The following ADGRA3 variants were observed in gnomAD, a reference collection of about 807,000 sequenced individuals.
ADGRA3 encodes adhesion G protein-coupled receptor A3.
Under a neutral mutation model 119.8 loss-of-function variants are expected in ADGRA3, and 56 were observed. The observed-to-expected ratio is 0.47, with a 90% CI of 0.38 to 0.58. The LOEUF (loss-of-function observed/expected upper bound fraction) is 0.58, where lower values mean the gene tolerates loss of function less well. Among genes scored for constraint, ADGRA3 ranks in the 20% least tolerant of loss-of-function variants. ADGRA3 has a pLI of 0.00. For missense variants in ADGRA3, 1,516 were observed against 1,649.0 expected, an observed-to-expected ratio of 0.92 and a Z score of 1.40; for synonymous variants, 607 against 623.8, an observed-to-expected ratio of 0.97 and a Z score of 0.40.
In ADGRA3 at chr4:22,454,850, G is replaced by C. The variant is rs746328946; in HGVS notation, c.473+16C>G. 4 of 1,587,490 alleles carry C rather than the reference G, an allele frequency of 2.5e-6. No homozygotes were observed. The highest frequency in any genetic ancestry group is 3.5e-6 in the Non-Finnish European group (4 of 1,155,934). On this transcript the variant is annotated intron_variant, in intron 4 of 18. Coordinates refer to ENST00000334304, the MANE Select transcript of ADGRA3 (RefSeq NM_145290.4). ...TGCTTCCTTATCTTTTAATGGGAAA[G>C]AAAAGATATACTTACAGCCGAACCA...
At chr4:22,444,883 GT>G in intron 6 of ADGRA3, 89 bp downstream of exon 6, 2 of 1,310,174 alleles carry the variant, frequency 1.5e-6, no homozygotes, top group Non-Finnish European at 2.2e-6. Context: ...TTCTGTCCAA[GT>G]ATAAAGAGAA....
intron 7 of ADGRA3, among the ~76,000 whole-genome samples, chr4:22,440,085 T>C (rs910116832): frequency 1.3e-5 from 2 of 152,318 alleles, no homozygotes; most frequent in South Asian, 4.1e-4. Context: ...ACAATGATGC[T>C]CATTTCTTGT....
In ADGRA3 at chr4:22,387,556, T is replaced by C. The variant is rs1713878815; in HGVS notation, c.*149A>G. On this transcript the variant is annotated 3_prime_UTR_variant, in exon 19 of 19. Transcript: ENST00000334304. ...CTAAAAAATAGCAACAATTTGGGGA[T>C]AAAAATAAGTAAAATCCAAAACTTC... 2.9e-6 allele frequency: 2 copies of C among 698,538 alleles called. No homozygotes were observed. The highest frequency in any genetic ancestry group is 1.8e-5 in the African/African-American group (1 of 56,008). The allele number at this position is 698,538 out of a possible 1,614,324, so 43.3% of individuals were successfully genotyped here. A position where few individuals can be genotyped will look rare whatever the true frequency, so the allele number is the denominator to read the frequency against.
rs974799816 is a variant in ADGRA3 at position 22,516,028 on chromosome 4, G to C, written c.-244C>G. 1.3e-5 allele frequency: 2 copies of C among 157,450 alleles called. No homozygotes were observed. Among genetic ancestry groups the C allele is most frequent in the Non-Finnish European group, 2.7e-5 (2 of 73,102 alleles). 9.8% of individuals were successfully genotyped at this position (157,450 alleles called of 1,614,324 possible). A position where few individuals can be genotyped will look rare whatever the true frequency, so the allele number is the denominator to read the frequency against. ...CGCTCTACCGCCCGGCGCGAGCACC[G>C]CCTCCTCCTCCTCCTCTGCCGCCGC... is the stretch of plus-strand genomic sequence containing the variant. On this transcript the variant is annotated 5_prime_UTR_variant, in exon 1 of 19. Transcript: ENST00000334304.
chr4:22,414,838 A>C (rs1207633530), intron 12 of ADGRA3, among the ~76,000 whole-genome samples: 1 of 152,148 alleles, frequency 6.6e-6, no homozygotes, highest in Non-Finnish European at 1.5e-5. Flanking sequence ...ACAGACCAGC[A>C]TCTCTACCTG....
intron 2 of ADGRA3, among the ~76,000 whole-genome samples, chr4:22,472,361 A>G (rs1717885941): frequency 6.6e-6 from 1 of 152,142 alleles, no homozygotes; most frequent in Non-Finnish European, 1.5e-5. Context: ...CCATTCCTGA[A>G]CCAGCAGTGA....
chr4:22,447,321 A>G (rs1427842730), intron 5 of ADGRA3, 119 bp downstream of exon 5: 2 of 642,430 alleles, frequency 3.1e-6, no homozygotes, highest in Admixed American at 6.4e-5. Context: ...CTCTCAAGTG[A>G]GACTCTACCT....
At chr4:22,444,462 T>G (rs886216678) in intron 6 of ADGRA3, among the ~76,000 whole-genome samples, 5 of 152,108 alleles carry the variant, frequency 3.3e-5, no homozygotes, top group Non-Finnish European at 7.4e-5. Context: ...ATTTTTGTAT[T>G]TTTAGTAGAG....
intron 14 of ADGRA3, among the ~76,000 whole-genome samples, chr4:22,406,424 A>T (rs561691139): frequency 2.6e-5 from 4 of 152,272 alleles, no homozygotes; most frequent in South Asian, 2.1e-4. Context: ...TATTGTACTA[A>T]TTTACATTCC....
chr4:22,417,490 G>A (rs1560306066), intron 12 of ADGRA3, among the ~76,000 whole-genome samples: 1 of 152,044 alleles, frequency 6.6e-6, no homozygotes, highest in Non-Finnish European at 1.5e-5. Context: ...ACAACCCTTC[G>A]AGTTAAGGAC....
intron 6 of ADGRA3, 124 bp from the exon 7 acceptor site, chr4:22,442,987 T>C (rs531407293): frequency 7.9e-6 from 6 of 758,124 alleles, no homozygotes; most frequent in African/African-American, 3.5e-5. Flanking sequence ...ATAATCAGCA[T>C]GCTACTGCTA....
chr4:22,438,391 C>T lies in ADGRA3; in HGVS notation c.950G>A (p.Gly317Glu), dbSNP rs756306946. 24 of 1,613,596 alleles carry T rather than the reference C, an allele frequency of 1.5e-5. No homozygotes were observed. The East Asian group carries it at 5.4e-4, about 36-fold the overall frequency. The change falls in exon 8 of 19, where the codon GGA (glycine) becomes GAA (glutamate). Residue 317 changes from glycine (G) to glutamate (E), a missense_variant. Gly to Glu is a moderately conservative substitution (Grantham distance 98). Around this residue, in one of 2 missense-constraint regions of ADGRA3, gnomAD observed 428 missense variants for 541.9 expected, o/e 0.79. Coordinates refer to ENST00000334304, the MANE Select transcript of ADGRA3 (RefSeq NM_145290.4). ...ATGACAGCCCCAATTTCCAGTAGAT[C>T]CAGCCTGAATATTAGAAATGGTTAG... ...SALTISNIQAGSTGNWGCHVQ... is the reference protein window; with the variant it reads ...SALTISNIQAESTGNWGCHVQ...
At chr4:22,434,077 C>T (rs1443433151) in intron 10 of ADGRA3, among the ~76,000 whole-genome samples, 1 of 151,122 alleles carries the variant, frequency 6.6e-6, no homozygotes, top group African/African-American at 2.4e-5. Flanking sequence ...ACTAGGGCCA[C>T]AGTTTCAAAA....
chr4:22,495,921 A>G (rs1004872551), intron 1 of ADGRA3, among the ~76,000 whole-genome samples: 4 of 152,174 alleles, frequency 2.6e-5, no homozygotes, highest in African/African-American at 4.8e-5. Context: ...AAAAAAAAAA[A>G]GTATCAGAGT....
intron 1 of ADGRA3, among the ~76,000 whole-genome samples, chr4:22,478,569 T>G (rs1029186354): frequency 1.2e-4 from 18 of 152,138 alleles, no homozygotes; most frequent in Admixed American, 2.0e-4. Flanking sequence ...TTGTGGCAGG[T>G]TGAATGGCTG....
At chr4:22,456,331 G>C (rs1357189018) in intron 3 of ADGRA3, among the ~76,000 whole-genome samples, 1 of 152,166 alleles carries the variant, frequency 6.6e-6, no homozygotes, top group Non-Finnish European at 1.5e-5. Flanking sequence ...TGGTGCGGGA[G>C]TCAGTGGACA....
At chr4:22,487,109 A>C (rs1002284113) in intron 1 of ADGRA3, among the ~76,000 whole-genome samples, 9 of 152,128 alleles carry the variant, frequency 5.9e-5, no homozygotes, top group African/African-American at 1.9e-4. Flanking sequence ...GTCTCCCCCA[A>C]CTGTTAACGC....
At position 22,435,912 on chromosome 4, in the gene ADGRA3, T is replaced by C. The variant is rs1251774147; in HGVS notation, c.1288-446A>G. On this transcript the variant is annotated intron_variant, in intron 9 of 18. Transcript: ENST00000334304. ...CACTGCCAGTAATGTTTTACATGTG[T>C]TTATCTACTGACTCTAACACGGACT... Among the ~76,000 whole-genome samples the C allele has an allele frequency of 2.0e-5, 3 of 152,154 alleles. No homozygotes were observed. In the East Asian group the frequency reaches 5.8e-4, roughly 29 times the overall value.
intron 1 of ADGRA3, among the ~76,000 whole-genome samples, chr4:22,480,162 AAAG>A (rs1396583934): frequency 2.0e-5 from 3 of 152,220 alleles, no homozygotes; most frequent in Admixed American, 6.5e-5. Context: ...TTTGCCAAAC[AAAG>A]AAGAAAGAAA....
Sources: gnomAD v4.1 joint callset for allele counts (sites outside exome capture counted in the v4.1 genomes callset) on GRCh38, gnomAD v4.1.1 for gene constraint, gnomAD v4.1.1 regional missense constraint, MANE v1.5 for transcripts, NCBI Gene and HGNC (gene_info 2026-07-23, HGNC 2026-07-21) for gene names.